The following DPP10 variants were observed in gnomAD, a reference collection of about 807,000 sequenced individuals.
The protein encoded by DPP10 is inactive dipeptidyl peptidase 10.
DPP10 carries 33 observed loss-of-function variants against 120.9 expected under a neutral mutation model. The ratio of observed to expected loss-of-function variants is 0.27; its 90% CI spans 0.21 to 0.37. DPP10 has a LOEUF of 0.37. DPP10 is among the 10% of genes least tolerant of loss of function. The pLI is 1.00. For missense variants in DPP10, 816 were observed against 942.8 expected (o/e 0.87, Z 1.76); for synonymous variants, 337 against 326.1 (o/e 1.03, Z -0.36).
chr2:115,688,630 CTCA>C (rs2091140342), intron 5 of DPP10, among the ~76,000 whole-genome samples: 2 of 152,062 alleles, frequency 1.3e-5, no homozygotes, highest in South Asian at 4.1e-4. Context: ...CAGAAATATA[CTCA>C]TCATCTCTTT....
chr2:115,333,515 G>T (rs539566231), intron 2 of DPP10, among the ~76,000 whole-genome samples: 1 of 152,236 alleles, frequency 6.6e-6, no homozygotes, highest in South Asian at 2.1e-4. Flanking sequence ...TGTCTTCCTA[G>T]CATCAATGGT....
At chr2:115,440,498 C>T (rs1439696419) in intron 3 of DPP10, among the ~76,000 whole-genome samples, 5 of 152,068 alleles carry the variant, frequency 3.3e-5, no homozygotes, top group Non-Finnish European at 2.9e-5. Flanking sequence ...TGTACCCAAG[C>T]GAGTTAGTGA....
intron 1 of DPP10, among the ~76,000 whole-genome samples, chr2:114,784,388 A>T (rs1682590092): frequency 6.6e-6 from 1 of 152,114 alleles, no homozygotes; most frequent in Admixed American, 6.6e-5. Flanking sequence ...TTACCTCTTT[A>T]AAAAGAGGTA....
chr2:114,888,983 G>T (rs1692315655), intron 1 of DPP10, among the ~76,000 whole-genome samples: 1 of 152,174 alleles, frequency 6.6e-6, no homozygotes. Context: ...GGTCTTTAAA[G>T]AGATAAAATG....
intron 1 of DPP10, among the ~76,000 whole-genome samples, chr2:115,147,133 C>T (rs559764989): frequency 2.0e-5 from 3 of 151,246 alleles, no homozygotes; most frequent in African/African-American, 4.8e-5. Flanking sequence ...AATATATTTG[C>T]ATATTTTACT....
chr2:115,197,645 G>T (rs1186610653), intron 1 of DPP10, among the ~76,000 whole-genome samples: 1 of 152,076 alleles, frequency 6.6e-6, no homozygotes, highest in Non-Finnish European at 1.5e-5. Context: ...TTTCTGTAAC[G>T]CCTTTAGAGC....
At chr2:115,333,205 G>T (rs907227014) in intron 2 of DPP10, among the ~76,000 whole-genome samples, 1 of 152,014 alleles carries the variant, frequency 6.6e-6, no homozygotes, top group African/African-American at 2.4e-5. Flanking sequence ...TTTGATCTTT[G>T]TTGGTTTAAA....
chr2:114,634,862 G>A (rs1413573891), intron 1 of DPP10, among the ~76,000 whole-genome samples: 5 of 151,702 alleles, frequency 3.3e-5, no homozygotes, highest in Non-Finnish European at 7.4e-5. Context: ...GTGTTGATCT[G>A]ATCTATGTTA....
At chr2:115,438,475 G>A (rs1022076645) in intron 3 of DPP10, among the ~76,000 whole-genome samples, 9 of 151,980 alleles carry the variant, frequency 5.9e-5, no homozygotes, top group Non-Finnish European at 8.8e-5. Context: ...CCCACTCCCC[G>A]AAAAGTAGAA....
At chr2:115,439,332 G>A (rs968295842) in intron 3 of DPP10, among the ~76,000 whole-genome samples, 1 of 152,186 alleles carries the variant, frequency 6.6e-6, no homozygotes, top group African/African-American at 2.4e-5. Context: ...ATAATGTGAA[G>A]TTATTATTTA....
intron 5 of DPP10, among the ~76,000 whole-genome samples, chr2:115,676,149 A>T (rs1209337820): frequency 6.6e-6 from 1 of 152,164 alleles, no homozygotes; most frequent in Non-Finnish European, 1.5e-5. Context: ...GATGCCATGA[A>T]CTTGTGCATT....
At chr2:115,776,914 G>C (rs1406544689) in intron 13 of DPP10, among the ~76,000 whole-genome samples, 1 of 151,806 alleles carries the variant, frequency 6.6e-6, no homozygotes, top group Non-Finnish European at 1.5e-5. Flanking sequence ...ACATGAGAGT[G>C]ATTAAAGTCC....
chr2:115,522,571 C>G (rs185344704), intron 4 of DPP10, among the ~76,000 whole-genome samples: 1 of 152,180 alleles, frequency 6.6e-6, no homozygotes, highest in Non-Finnish European at 1.5e-5. Flanking sequence ...TTGCTTAATT[C>G]ATCTAGTTAA....
At chr2:115,400,204 C>G (rs962805089) in intron 3 of DPP10, among the ~76,000 whole-genome samples, 1 of 152,088 alleles carries the variant, frequency 6.6e-6, no homozygotes, top group Non-Finnish European at 1.5e-5. Flanking sequence ...ACTGGGATTA[C>G]AATTTGACAT....
intron 1 of DPP10, among the ~76,000 whole-genome samples, chr2:115,267,816 A>T (rs1411981243): frequency 2.0e-5 from 3 of 152,008 alleles, no homozygotes; most frequent in Non-Finnish European, 4.4e-5. Flanking sequence ...ATGTCCCCAT[A>T]TTTGCCATAG....
intron 5 of DPP10, among the ~76,000 whole-genome samples, chr2:115,615,793 AT>A (rs1316052306): frequency 6.6e-6 from 1 of 152,062 alleles, no homozygotes; most frequent in Admixed American, 6.5e-5. Flanking sequence ...CTGGAATCCT[AT>A]TTCTTTTTCT....
intron 1 of DPP10, among the ~76,000 whole-genome samples, chr2:115,232,184 A>G (rs1458061959): frequency 6.6e-6 from 1 of 152,134 alleles, no homozygotes; most frequent in Non-Finnish European, 1.5e-5. Flanking sequence ...GTAACATTCT[A>G]GCCTGGGTCT....
intron 1 of DPP10, among the ~76,000 whole-genome samples, chr2:114,789,707 T>C (rs1300978286): frequency 6.6e-6 from 1 of 151,946 alleles, no homozygotes; most frequent in East Asian, 1.9e-4. Flanking sequence ...AGCCTTCTGA[T>C]AAATAAATAC....
At chr2:114,891,586 A>G (rs1276103394) in intron 1 of DPP10, among the ~76,000 whole-genome samples, 1 of 152,202 alleles carries the variant, frequency 6.6e-6, no homozygotes, top group African/African-American at 2.4e-5. Context: ...TGAACCAAGA[A>G]TAAAACATTC....
Sources: allele counts gnomAD v4.1 joint callset (sites outside exome capture counted in the v4.1 genomes callset), GRCh38; gene constraint gnomAD v4.1.1; transcripts MANE v1.5; gene names NCBI Gene and HGNC (gene_info 2026-07-23, HGNC 2026-07-21).